Variants in MAEA observed in about 807,000 individuals in gnomAD.
MAEA encodes E3 ubiquitin-protein transferase MAEA.
In MAEA, 22 loss-of-function variants were observed where a neutral mutation model predicts 46.2. That is an observed-to-expected ratio of 0.48 (90% CI 0.34 to 0.68). The LOEUF (loss-of-function observed/expected upper bound fraction) is 0.68, where lower values mean the gene tolerates loss of function less well. MAEA is among the 30% of genes least tolerant of loss of function. The pLI is 0.01. For missense variants in MAEA, 393 were observed against 558.1 expected (o/e 0.70, Z 2.98); for synonymous variants, 246 against 222.6 (o/e 1.11, Z -0.94).
At chr4:1,301,677 A>G (rs1252397057) in intron 1 of MAEA, among the ~76,000 whole-genome samples, 4 of 152,144 alleles carry the variant, frequency 2.6e-5, no homozygotes, top group Admixed American at 2.0e-4. Flanking sequence ...CTCCAGCCTG[A>G]GCAGCAGAGT....
intron 4 of MAEA, among the ~76,000 whole-genome samples, chr4:1,322,825 G>A (rs963916318): frequency 2.0e-5 from 3 of 152,122 alleles, no homozygotes; most frequent in African/African-American, 7.2e-5. Context: ...CCTGCTCCAT[G>A]GGGGTACTCC....
chr4:1,293,706 C>G (rs963890508), intron 1 of MAEA, among the ~76,000 whole-genome samples: 1 of 152,200 alleles, frequency 6.6e-6, no homozygotes, highest in South Asian at 2.1e-4. Context: ...TGATGCTGTC[C>G]TCTCCCCAGA....
At chr4:1,337,331 A>ACATTG in intron 7 of MAEA, 1 of 212,770 alleles carries the variant, frequency 4.7e-6, no homozygotes, top group African/African-American at 6.9e-5. Context: ...ATTACCAAGA[A>ACATTG]CCTTGCCTGT....
At chr4:1,317,442 G>A (rs1055924442) in intron 3 of MAEA, among the ~76,000 whole-genome samples, 15 of 151,388 alleles carry the variant, frequency 9.9e-5, no homozygotes, top group Non-Finnish European at 2.1e-4. Flanking sequence ...TCTTGTCCTC[G>A]GCATTTGTCC....
chr4:1,294,535 C>T (rs974880990), intron 1 of MAEA, among the ~76,000 whole-genome samples: 6 of 150,308 alleles, frequency 4.0e-5, no homozygotes, highest in Admixed American at 6.8e-5. Flanking sequence ...AGCAAGGCAC[C>T]GCCGCCGGGC....
rs1560368750 is a variant in MAEA, at chr4:1,322,943, C to CCTTTTTTTTTTT, written c.579+440_579+441insCTTTTTTTTTTT. Among the ~76,000 whole-genome samples, 8 of 75,246 alleles carry CCTTTTTTTTTTT rather than the reference C, an allele frequency of 1.1e-4. 3 individuals are homozygous for CCTTTTTTTTTTT. Among genetic ancestry groups the CCTTTTTTTTTTT allele is most frequent in the Non-Finnish European group, 7.1e-5 (3 of 41,994 alleles). 49.4% of individuals were successfully genotyped at this position (75,246 alleles called of 152,430 possible). On this transcript the variant is annotated intron_variant, in intron 4 of 8. Coordinates refer to ENST00000303400, the MANE Select transcript of MAEA (RefSeq NM_001017405.3). ...CTGTGATATTGTTAATGAATACCCA[C>CCTTTTTTTTTTT]TTTTTTTTTTTTTTTTTTTTTTTTT... is the stretch of plus-strand genomic sequence containing the variant.
chr4:1,299,717 C>G (rs1464992279), intron 1 of MAEA: 1 of 152,374 alleles, frequency 6.6e-6, no homozygotes, highest in Non-Finnish European at 1.5e-5. Context: ...GGTCCCATGT[C>G]CTCACCTTCA....
At chr4:1,300,662 C>T (rs559124939) in intron 1 of MAEA, among the ~76,000 whole-genome samples, 6 of 152,360 alleles carry the variant, frequency 3.9e-5, no homozygotes, top group South Asian at 4.1e-4. Flanking sequence ...CTTTCCAAGA[C>T]GGACCAGTGG....
At chr4:1,326,190 T>A (rs1157243695) in intron 4 of MAEA, among the ~76,000 whole-genome samples, 1 of 152,182 alleles carries the variant, frequency 6.6e-6, no homozygotes, top group Non-Finnish European at 1.5e-5. Context: ...TGGGGAAAGC[T>A]CTGGGAAGCG....
chr4:1,305,741 G>T (rs1735764308), intron 1 of MAEA, among the ~76,000 whole-genome samples: 1 of 150,772 alleles, frequency 6.6e-6, no homozygotes, highest in Non-Finnish European at 1.5e-5. Flanking sequence ...GCGTGTGTGG[G>T]AGTGTGCGTG....
At chr4:1,337,074 C>CT (rs1193446455) in intron 7 of MAEA, 80 bp downstream of exon 7, 2 of 1,501,860 alleles carry the variant, frequency 1.3e-6, no homozygotes, top group Non-Finnish European at 1.8e-6. Context: ...GACCCTGCAC[C>CT]TTGCCACTCT....
rs758115267 is a variant in MAEA at position 1,338,467 on chromosome 4, T to C, written c.945T>C (p.Pro315=). The C allele has an allele frequency of 8.1e-6, 13 of 1,613,136 alleles. No homozygotes were observed. Among genetic ancestry groups the C allele is most frequent in the Non-Finnish European group, 1.0e-5 (12 of 1,179,976 alleles). ...EDGSSKSPDC[P]VCSRSLNKLA... ...GCAGCTCCAAGAGCCCTGACTGCCC[T>C]GTGTGCAGCCGCTCCCTGAACAAGC... The change falls in exon 8 of 9, where the codon CCT becomes CCC. Residue 315 remains proline (P), a synonymous_variant. Transcript: ENST00000303400.
chr4:1,318,543 G>A (rs1400285525), intron 3 of MAEA, among the ~76,000 whole-genome samples: 5 of 152,208 alleles, frequency 3.3e-5, no homozygotes, highest in Admixed American at 6.5e-5. Context: ...GTGGAAGAAG[G>A]CGGGCGTGTG....
chr4:1,309,848 G>T, intron 1 of MAEA: 1 of 1,318,086 alleles, frequency 7.6e-7, no homozygotes, highest in Non-Finnish European at 9.7e-7. Flanking sequence ...TCTGCCCTGT[G>T]CCTGAGCAGC....
chr4:1,324,552 A>T (rs1343222414), intron 4 of MAEA, among the ~76,000 whole-genome samples: 1 of 141,530 alleles, frequency 7.1e-6, no homozygotes, highest in Non-Finnish European at 1.5e-5. Context: ...TTGAGATTGG[A>T]TGAGCGTGCC....
chr4:1,292,578 A>G (rs1348067412), intron 1 of MAEA, among the ~76,000 whole-genome samples: 1 of 152,126 alleles, frequency 6.6e-6, no homozygotes, highest in Non-Finnish European at 1.5e-5. Context: ...GGGGCTGTGC[A>G]GTCTAGGATG....
intron 1 of MAEA, among the ~76,000 whole-genome samples, chr4:1,291,081 G>A (rs1734061029): frequency 6.6e-6 from 1 of 152,344 alleles, no homozygotes; most frequent in East Asian, 1.9e-4. Context: ...TAGCGCTGCT[G>A]AAGTCAGGCT....
At chr4:1,308,166 A>G (rs1020032320) in intron 1 of MAEA, among the ~76,000 whole-genome samples, 2 of 151,900 alleles carry the variant, frequency 1.3e-5, no homozygotes, top group Non-Finnish European at 2.9e-5. Flanking sequence ...AAACCTGTAC[A>G]GCATGTCACT....
intron 3 of MAEA, among the ~76,000 whole-genome samples, chr4:1,320,426 TAGAA>T (rs1737916903): frequency 7.5e-6 from 1 of 133,690 alleles, no homozygotes; most frequent in African/African-American, 2.9e-5. Context: ...GAAGGGGCTT[TAGAA>T]AGAAATTATC....
Sources: allele counts gnomAD v4.1 joint callset (sites outside exome capture counted in the v4.1 genomes callset), GRCh38; gene constraint gnomAD v4.1.1; transcripts MANE v1.5; gene names NCBI Gene and HGNC (gene_info 2026-07-23, HGNC 2026-07-21).